PCP4: variants seen among roughly 807,000 people sequenced by gnomAD.
PCP4 encodes the protein calmodulin regulator protein PCP4.
PCP4 carries 8 observed loss-of-function variants against 10.0 expected under a neutral mutation model. That is an observed-to-expected ratio of 0.80 (90% CI 0.47 to 1.45). PCP4 has a LOEUF of 1.45. PCP4 is among the 40% of genes most tolerant of loss of function. PCP4 has a pLI of 0.00. For missense variants in PCP4, 54 were observed against 74.4 expected, an observed-to-expected ratio of 0.73 and a Z score of 1.01; for synonymous variants, 21 against 23.0, an observed-to-expected ratio of 0.91 and a Z score of 0.24.
chr21:39,913,410 A>G (rs1243284721), intron 2 of PCP4, among the ~76,000 whole-genome samples: 1 of 152,208 alleles, frequency 6.6e-6, no homozygotes, highest in Non-Finnish European at 1.5e-5. Context: ...TTAGACATAA[A>G]ATACTCACTT....
In PCP4 at chr21:39,906,727, C is replaced by A. The variant is rs1239519990; in HGVS notation, c.61+8200C>A. Among the ~76,000 whole-genome samples the A allele has an allele frequency of 6.6e-6, 1 of 152,136 alleles. No individual in the cohort carries two copies. The highest frequency in any genetic ancestry group is 1.5e-5 in the Non-Finnish European group (1 of 68,040). ...ACATCATACAGAGAAAGCTTATACA[C>A]CTTGGTGAAAAAGTAAAGTTATACA... is the stretch of plus-strand genomic sequence containing the variant. On this transcript the variant is annotated intron_variant, in intron 2 of 2. Transcript: ENST00000328619. The surrounding 1 kb of genome is among the most constrained non-coding windows in gnomAD (Gnocchi z 6.3).
Position 39,869,098 on chromosome 21 carries a change from A to G in PCP4, c.9+1588A>G, listed in dbSNP as rs898104051. On this transcript the variant is annotated intron_variant, in intron 1 of 2. Transcript: ENST00000328619. Reference sequence around the variant, plus strand: ...GCTGCGTGGAGTGGTTTTTCTTTATATACAACTTATCCAATAAGAGTTTCC... The same window carrying G: ...GCTGCGTGGAGTGGTTTTTCTTTATGTACAACTTATCCAATAAGAGTTTCC... 2.0e-5 allele frequency among the ~76,000 whole-genome samples: 3 copies of G among 152,284 alleles called. 1 individual carries two copies. The South Asian group carries it at 6.2e-4, about 32-fold the overall frequency.
At chr21:39,896,339 T>G (rs1465056641) in intron 1 of PCP4, among the ~76,000 whole-genome samples, 1 of 152,236 alleles carries the variant, frequency 6.6e-6, no homozygotes, top group Non-Finnish European at 1.5e-5. Flanking sequence ...CAGGGAAAGA[T>G]ACTGGATTTG....
In PCP4 at chr21:39,898,528, G is replaced by C. The variant is rs776125601; in HGVS notation, c.61+1G>C. 1.2e-6 allele frequency: 2 copies of C among 1,613,196 alleles called. No homozygotes were observed. The highest frequency in any genetic ancestry group is 3.3e-5 in the Admixed American group (2 of 60,024). ...AAAGACAAGACATCTGGTGAAAATG[G>C]TAAGAGGACATGAATAGTCCAAGTT... On this transcript the variant is annotated splice_donor_variant, in intron 2 of 2. Transcript: ENST00000328619. LOFTEE classifies it high-confidence loss of function.
intron 1 of PCP4, among the ~76,000 whole-genome samples, chr21:39,886,112 C>T (rs1325569396): frequency 1.3e-5 from 2 of 152,172 alleles, no homozygotes; most frequent in South Asian, 2.1e-4. Flanking sequence ...TCTCTTTACT[C>T]GATTGCAAAG....
intron 1 of PCP4, among the ~76,000 whole-genome samples, chr21:39,895,744 C>T (rs943633937): frequency 1.3e-5 from 2 of 152,216 alleles, no homozygotes; most frequent in Admixed American, 6.5e-5. Flanking sequence ...CTGGCCCCAG[C>T]AGCATGAACC....
intron 2 of PCP4, 47 bp downstream of exon 2, chr21:39,898,574 A>AT: frequency 6.9e-7 from 1 of 1,454,810 alleles, no homozygotes; most frequent in Non-Finnish European, 9.7e-7. Context: ...TGCCATCTGC[A>AT]GCCCTGGGTA....
intron 1 of PCP4, among the ~76,000 whole-genome samples, chr21:39,870,008 C>T (rs1306344854): frequency 6.6e-6 from 1 of 152,214 alleles, no homozygotes; most frequent in African/African-American, 2.4e-5. Context: ...GGCTCCGGAG[C>T]TCATTAGCTG....
intron 1 of PCP4, among the ~76,000 whole-genome samples, chr21:39,873,359 A>C (rs1271322028): frequency 6.6e-6 from 1 of 152,214 alleles, no homozygotes; most frequent in Admixed American, 6.5e-5. Context: ...TATTGCAAGG[A>C]AATAATTTAA....
rs916963805 is a variant in PCP4 at position 39,906,210 on chromosome 21, A to G, written c.61+7683A>G. ...GTCATCTGACCCACAGTCCAAACACACCAGGTTGTCTCTATTTACACTTTC... is the reference window on the plus strand; with the variant it reads ...GTCATCTGACCCACAGTCCAAACACGCCAGGTTGTCTCTATTTACACTTTC... On this transcript the variant is annotated intron_variant, in intron 2 of 2. Transcript: ENST00000328619. The surrounding 1 kb of genome is among the most constrained non-coding windows in gnomAD (Gnocchi z 6.3). Among the ~76,000 whole-genome samples the G allele has an allele frequency of 6.6e-6, 1 of 152,216 alleles. No homozygotes were observed. Among genetic ancestry groups the G allele is most frequent in the Non-Finnish European group, 1.5e-5 (1 of 68,038 alleles).
At chr21:39,913,048 T>A (rs886969707) in intron 2 of PCP4, among the ~76,000 whole-genome samples, 1 of 152,192 alleles carries the variant, frequency 6.6e-6, no homozygotes, top group Non-Finnish European at 1.5e-5. Flanking sequence ...CAGGTTACTA[T>A]ATGTAGTTCA....
intron 2 of PCP4, among the ~76,000 whole-genome samples, chr21:39,924,461 A>T (rs916675138): frequency 2.0e-5 from 3 of 152,144 alleles, no homozygotes; most frequent in African/African-American, 7.2e-5. Flanking sequence ...GAGAGTATCT[A>T]GGTGTGAGGA....
chr21:39,894,402 T>C lies in PCP4; in HGVS notation c.10-4074T>C, dbSNP rs111791996. Among the ~76,000 whole-genome samples, 549 of 152,352 alleles carry C rather than the reference T, an allele frequency of 3.6e-3. 2 individuals are homozygous for C. The highest frequency in any genetic ancestry group is 6.4e-3 in the Non-Finnish European group (436 of 68,030). On this transcript the variant is annotated intron_variant, in intron 1 of 2. Coordinates refer to ENST00000328619, the MANE Select transcript of PCP4 (RefSeq NM_006198.3). ...GCTGACAAATTCGCAGATATCTGAATGCATATTCATGAAGCTCTCAAATAC... is the reference window on the plus strand; with the variant it reads ...GCTGACAAATTCGCAGATATCTGAACGCATATTCATGAAGCTCTCAAATAC...
intron 1 of PCP4, among the ~76,000 whole-genome samples, chr21:39,881,084 T>A (rs1246503330): frequency 6.6e-6 from 1 of 152,202 alleles, no homozygotes; most frequent in African/African-American, 2.4e-5. Flanking sequence ...CCCATATAAC[T>A]TTTACCTGTC....
chr21:39,897,487 T>A (rs926517017), intron 1 of PCP4, among the ~76,000 whole-genome samples: 1 of 151,466 alleles, frequency 6.6e-6, no homozygotes, highest in Non-Finnish European at 1.5e-5. Flanking sequence ...ATTGACAAAA[T>A]GCTTCTCTCT....
intron 2 of PCP4, among the ~76,000 whole-genome samples, chr21:39,918,866 A>G (rs1433907852): frequency 6.6e-6 from 1 of 152,202 alleles, no homozygotes; most frequent in Non-Finnish European, 1.5e-5. Flanking sequence ...GCAGAAGGAC[A>G]CAGTGGCTCT....
At chr21:39,913,183 C>T (rs959787662) in intron 2 of PCP4, among the ~76,000 whole-genome samples, 3 of 152,090 alleles carry the variant, frequency 2.0e-5, no homozygotes, top group African/African-American at 7.2e-5. Context: ...AATGACCCAT[C>T]TTTAAAAAGG....
At chr21:39,887,883 A>G (rs930298209) in intron 1 of PCP4, among the ~76,000 whole-genome samples, 1 of 152,188 alleles carries the variant, frequency 6.6e-6, no homozygotes, top group African/African-American at 2.4e-5. Context: ...GGGTGACTGG[A>G]GGCAGTCCTG....
chr21:39,909,320 A>C (rs1355469401), intron 2 of PCP4, among the ~76,000 whole-genome samples: 1 of 152,180 alleles, frequency 6.6e-6, no homozygotes, highest in Non-Finnish European at 1.5e-5. Context: ...CCGTTTTCTT[A>C]CAGACTGTTG....
Sources: gnomAD v4.1 joint callset for allele counts (sites outside exome capture counted in the v4.1 genomes callset) on GRCh38, gnomAD v4.1.1 for gene constraint, Gnocchi (gnomAD v3.1) non-coding constraint, MANE v1.5 for transcripts, NCBI Gene and HGNC (gene_info 2026-07-23, HGNC 2026-07-21) for gene names.